Variants in PEAK1 observed in about 807,000 individuals in gnomAD.
PEAK1 encodes inactive tyrosine-protein kinase PEAK1.
In PEAK1, 54 loss-of-function variants were observed where a neutral mutation model predicts 124.7. The ratio of observed to expected loss-of-function variants is 0.43; its 90% CI spans 0.35 to 0.54. The LOEUF is 0.54. PEAK1 is among the 20% of genes least tolerant of loss of function. The probability of loss-of-function intolerance (pLI) is 0.01; values close to 1 mark genes in which losing one functional copy is unlikely to be tolerated. For synonymous variants in PEAK1, 719 were observed against 760.0 expected (o/e 0.95, Z 0.89); for missense variants, 2,046 against 2,134.5 (o/e 0.96, Z 0.82).
At chr15:77,254,433 TTTTG>T (rs1288878106) in intron 5 of PEAK1, among the ~76,000 whole-genome samples, 7 of 152,100 alleles carry the variant, frequency 4.6e-5, no homozygotes, top group Non-Finnish European at 1.0e-4. Context: ...GTATTTATTA[TTTTG>T]TTTGTTTGTT....
chr15:77,172,684 G>A (rs772290719), intron 7 of PEAK1, among the ~76,000 whole-genome samples: 4 of 152,084 alleles, frequency 2.6e-5, no homozygotes, highest in East Asian at 3.9e-4. Context: ...AGTATTCTAC[G>A]TGTACTTCCC....
At chr15:77,155,042 T>C (rs2054998804) in intron 8 of PEAK1, among the ~76,000 whole-genome samples, 1 of 152,240 alleles carries the variant, frequency 6.6e-6, no homozygotes, top group African/African-American at 2.4e-5. Flanking sequence ...CCTTGCTAGA[T>C]TGGGGAACTT....
At chr15:77,327,987 T>C (rs1005209451) in intron 2 of PEAK1, among the ~76,000 whole-genome samples, 2 of 152,098 alleles carry the variant, frequency 1.3e-5, no homozygotes, top group African/African-American at 4.8e-5. Flanking sequence ...TCACAAATAA[T>C]AGCAGTAGCT....
At chr15:77,297,659 T>C (rs1408823637) in intron 2 of PEAK1, among the ~76,000 whole-genome samples, 1 of 149,036 alleles carries the variant, frequency 6.7e-6, no homozygotes, top group African/African-American at 2.5e-5. Flanking sequence ...CTCAGGAGGC[T>C]GAGGCAGGAG....
At chr15:77,273,812 C>T (rs1052093700) in intron 5 of PEAK1, among the ~76,000 whole-genome samples, 10 of 152,074 alleles carry the variant, frequency 6.6e-5, no homozygotes, top group African/African-American at 2.2e-4. Context: ...AAAGAGCCCA[C>T]GTAGCCAAAG....
intron 6 of PEAK1, among the ~76,000 whole-genome samples, chr15:77,251,723 G>C (rs942051384): frequency 6.6e-6 from 1 of 152,136 alleles, no homozygotes; most frequent in African/African-American, 2.4e-5. Context: ...TGTCAGGGGG[G>C]ACAGCAGCCT....
chr15:77,132,771 TG>T (rs2052985248), intron 9 of PEAK1, among the ~76,000 whole-genome samples: 1 of 152,148 alleles, frequency 6.6e-6, no homozygotes, highest in South Asian at 2.1e-4. Context: ...ATAGAATTCT[TG>T]TTTACCTCTA....
Position 77,214,147 on chromosome 15 carries a change from T to C in PEAK1, c.-114-32107A>G, listed in dbSNP as rs76447626. On this transcript the variant is annotated intron_variant, in intron 6 of 9. Coordinates refer to ENST00000682557, the MANE Select transcript of PEAK1 (RefSeq NM_001385026.1). ...GGCTAGTATGATTCCATGGAATGGA[T>C]ACACCACAATGTATTCTTCACCAGT... is the stretch of plus-strand genomic sequence containing the variant. 8.0e-3 allele frequency among the ~76,000 whole-genome samples: 1,220 copies of C among 152,280 alleles called. 20 individuals carry two copies. Among genetic ancestry groups the C allele is most frequent in the African/African-American group, 0.028 (1,163 of 41,538 alleles).
intron 2 of PEAK1, among the ~76,000 whole-genome samples, chr15:77,339,553 T>C (rs1567279321): frequency 6.6e-6 from 1 of 152,194 alleles, no homozygotes; most frequent in East Asian, 1.9e-4. Flanking sequence ...CATAAAACTA[T>C]AAACATTTTA....
chr15:77,286,379 G>T, intron 3 of PEAK1, 44 bp downstream of exon 3: 2 of 1,011,732 alleles, frequency 2.0e-6, no homozygotes, highest in South Asian at 5.1e-5. Context: ...AGAGATTTAA[G>T]ACCAGAATAA....
At chr15:77,230,952 T>C (rs2059887658) in intron 6 of PEAK1, among the ~76,000 whole-genome samples, 1 of 152,060 alleles carries the variant, frequency 6.6e-6, no homozygotes, top group Non-Finnish European at 1.5e-5. Context: ...TAGGGGATAA[T>C]ATACACATCT....
At chr15:77,390,292 G>A (rs930218434) in intron 1 of PEAK1, among the ~76,000 whole-genome samples, 17 of 152,318 alleles carry the variant, frequency 1.1e-4, no homozygotes, top group African/African-American at 3.8e-4. Context: ...AGAAGAAAAA[G>A]AAAGGATTAC....
At chr15:77,333,647 T>C (rs1049521834) in intron 2 of PEAK1, 2 of 971,948 alleles carry the variant, frequency 2.1e-6, no homozygotes, top group Non-Finnish European at 2.4e-6. Flanking sequence ...TTTTATATTC[T>C]TGTGATAATT....
intron 7 of PEAK1, among the ~76,000 whole-genome samples, chr15:77,169,570 C>T (rs1226156338): frequency 6.6e-6 from 1 of 152,036 alleles, no homozygotes; most frequent in Non-Finnish European, 1.5e-5. Flanking sequence ...AAACTGAACC[C>T]AGAAGGTAGG....
At chr15:77,104,209 G>A (rs2050723851), downstream of PEAK1, 1 of 152,386 alleles carries the variant, frequency 6.6e-6, no homozygotes, top group South Asian at 2.1e-4. Context: ...TGGCTGTAGT[G>A]GAGAGCAAAT....
In PEAK1 at chr15:77,178,832, C is replaced by T. The variant is rs765043896; in HGVS notation, c.3095G>A (p.Arg1032Lys). 1.4e-5 allele frequency: 23 copies of T among 1,613,416 alleles called. No homozygotes were observed. The highest frequency in any genetic ancestry group is 1.9e-5 in the Non-Finnish European group (23 of 1,179,636). Residue 1032 changes from arginine to lysine, a missense_variant, in exon 7 of 10, where the codon AGG becomes AAG. Physicochemically the swap from Arg to Lys is conservative, Grantham distance 26. Transcript: ENST00000682557. ...AATCTGTGATGGAGAAGAATGACTC[C>T]TCTTCTTCTCTGAGTCCTGTAGTAA... The part of the protein sequence containing the change: ...NALLQDSEKK[R>K]SHSSPSQIPK...
At chr15:77,194,654 C>T (rs2058019141) in intron 6 of PEAK1, among the ~76,000 whole-genome samples, 2 of 152,150 alleles carry the variant, frequency 1.3e-5, no homozygotes, top group Admixed American at 1.3e-4. Flanking sequence ...TCCTTGAGTG[C>T]AGGAGATATA....
Position 77,419,571 on chromosome 15 carries a change from G to A in PEAK1, c.-666+435C>T, listed in dbSNP as rs1013718848. On this transcript the variant is annotated intron_variant, in intron 1 of 9. Coordinates refer to ENST00000682557, the MANE Select transcript of PEAK1 (RefSeq NM_001385026.1). The stretch of plus-strand genomic sequence containing the variant: ...GGGTGCGGGAGCGGGCTGACCGTGT[G>A]GACCCGGCAGGAGCCAGAGAAGCCC... 16 of 985,082 alleles carry A rather than the reference G, an allele frequency of 1.6e-5. No homozygotes were observed. The African/African-American group carries it at 2.8e-4, about 17-fold the overall frequency. 61.0% of individuals were successfully genotyped at this position (985,082 alleles called of 1,614,324 possible).
At chr15:77,260,236 C>A (rs1369017055) in intron 5 of PEAK1, among the ~76,000 whole-genome samples, 1 of 152,024 alleles carries the variant, frequency 6.6e-6, no homozygotes, top group Non-Finnish European at 1.5e-5. Context: ...AATGTTTAAG[C>A]CTAGAACTGA....
Sources: allele counts gnomAD v4.1 joint callset (sites outside exome capture counted in the v4.1 genomes callset), GRCh38; gene constraint gnomAD v4.1.1; transcripts MANE v1.5; gene names NCBI Gene and HGNC (gene_info 2026-07-23, HGNC 2026-07-21).